Variants in KLHL14 observed in about 807,000 individuals in gnomAD.
KLHL14 encodes kelch-like protein 14.
Under a neutral mutation model 64.3 loss-of-function variants are expected in KLHL14, and 22 were observed. The ratio of observed to expected loss-of-function variants is 0.34; its 90% CI spans 0.24 to 0.49. The LOEUF (loss-of-function observed/expected upper bound fraction) is 0.49, where lower values mean the gene tolerates loss of function less well. KLHL14 is among the 20% of genes least tolerant of loss of function. KLHL14 has a pLI of 0.99. For missense variants in KLHL14, 661 were observed against 789.0 expected (o/e 0.84, Z 1.94); for synonymous variants, 322 against 333.4 (o/e 0.97, Z 0.37).
intron 3 of KLHL14, among the ~76,000 whole-genome samples, chr18:32,724,156 C>A (rs1042060289): frequency 6.6e-6 from 1 of 152,072 alleles, no homozygotes; most frequent in African/African-American, 2.4e-5. Flanking sequence ...GGTCAGAAGC[C>A]AAGGGTTTAA....
intron 3 of KLHL14, among the ~76,000 whole-genome samples, chr18:32,703,411 G>C (rs1436520434): frequency 6.6e-6 from 1 of 152,180 alleles, no homozygotes; most frequent in Non-Finnish European, 1.5e-5. Context: ...GAAAAAAGAA[G>C]AAAGGGTGAC....
chr18:32,736,884 T>G (rs1045879317), intron 3 of KLHL14, among the ~76,000 whole-genome samples: 2 of 152,110 alleles, frequency 1.3e-5, no homozygotes, highest in Admixed American at 1.3e-4. Context: ...CTCATTTTTG[T>G]GTTCCCATAG....
At chr18:32,766,146 T>A (rs893035652) in intron 2 of KLHL14, among the ~76,000 whole-genome samples, 1 of 152,102 alleles carries the variant, frequency 6.6e-6, no homozygotes, top group South Asian at 2.1e-4. Context: ...CAACTTTTAA[T>A]AAGCATTTAT....
At chr18:32,754,038 G>A (rs972496822) in intron 2 of KLHL14, among the ~76,000 whole-genome samples, 69 of 152,224 alleles carry the variant, frequency 4.5e-4, no homozygotes, top group African/African-American at 1.4e-3. Flanking sequence ...TAGCACAGAT[G>A]CTTGCTACTG....
At chr18:32,740,027 A>G (rs1017436526) in intron 3 of KLHL14, among the ~76,000 whole-genome samples, 7 of 152,230 alleles carry the variant, frequency 4.6e-5, no homozygotes, top group African/African-American at 1.7e-4. Flanking sequence ...GACTTTCACA[A>G]AATTAAGAAA....
rs1478872073 is a variant in KLHL14, at chr18:32,741,993, T to G, written c.1004A>C (p.Asp335Ala). 1.9e-6 allele frequency: 3 copies of G among 1,613,070 alleles called. No individual in the cohort carries two copies. The highest frequency in any genetic ancestry group is 1.6e-4 in the Middle Eastern group (1 of 6,080). The change falls in exon 3 of 9, where the codon GAC (aspartate) becomes GCC (alanine). Residue 335 changes from aspartate to alanine, a missense_variant. By Grantham distance (126) the Asp-to-Ala change is moderately radical. Coordinates refer to ENST00000359358, the MANE Select transcript of KLHL14 (RefSeq NM_020805.3). ...LLVGGLPPGP[D>A]RLPSNLVQYY... Reference sequence around the variant, plus strand: ...CTGAACCAAATTGCTGGGGAGCCGGTCCGGTCCAGGAGGCAGCCCTCCAAC... The same window carrying G: ...CTGAACCAAATTGCTGGGGAGCCGGGCCGGTCCAGGAGGCAGCCCTCCAAC...
intron 3 of KLHL14, among the ~76,000 whole-genome samples, chr18:32,718,662 T>G (rs1250254954): frequency 6.6e-6 from 1 of 152,232 alleles, no homozygotes; most frequent in African/African-American, 2.4e-5. Context: ...TGGTGTCATA[T>G]ATTGTAATTT....
intron 2 of KLHL14, among the ~76,000 whole-genome samples, chr18:32,767,205 A>G (rs1473159227): frequency 6.6e-6 from 1 of 152,208 alleles, no homozygotes; most frequent in African/African-American, 2.4e-5. Context: ...TTTTTATATT[A>G]CACTGATGCT....
At chr18:32,719,806 A>G (rs2050067281) in intron 3 of KLHL14, among the ~76,000 whole-genome samples, 1 of 152,210 alleles carries the variant, frequency 6.6e-6, no homozygotes, top group African/African-American at 2.4e-5. Context: ...CAGAGGAGAT[A>G]GCAAGCATTT....
intron 3 of KLHL14, among the ~76,000 whole-genome samples, chr18:32,729,135 G>A (rs540702831): frequency 5.7e-4 from 87 of 152,274 alleles, no homozygotes; most frequent in African/African-American, 2.0e-3. Flanking sequence ...TGAAATCTCA[G>A]TACCTAGAAT....
intron 2 of KLHL14, among the ~76,000 whole-genome samples, chr18:32,745,735 T>C (rs1189321362): frequency 2.0e-5 from 3 of 152,212 alleles, no homozygotes; most frequent in Non-Finnish European, 2.9e-5. Context: ...CTTTTTACAA[T>C]GTGCAATTAT....
Position 32,772,683 on chromosome 18 carries a change from G to C in KLHL14, c.-60C>G, listed in dbSNP as rs73955284. The C allele has an allele frequency of 2.6e-5, 4 of 151,864 alleles. No homozygotes were observed. The highest frequency in any genetic ancestry group is 7.3e-5 in the African/African-American group (3 of 41,136). 9.4% of individuals were successfully genotyped at this position (151,864 alleles called of 1,614,324 possible). A position where few individuals can be genotyped will look rare whatever the true frequency, so the allele number is the denominator to read the frequency against. ...GAAACTTACCTGTTCTCAACCAGCT[G>C]CAAAGTCAAGGCTCACTTAAGCTCC... is the stretch of plus-strand genomic sequence containing the variant. On this transcript the variant is annotated 5_prime_UTR_variant, in exon 1 of 9. Transcript: ENST00000359358.
intron 2 of KLHL14, among the ~76,000 whole-genome samples, chr18:32,755,781 A>C (rs1258868801): frequency 1.3e-5 from 2 of 152,192 alleles, no homozygotes; most frequent in African/African-American, 4.8e-5. Flanking sequence ...GGGAAGATAT[A>C]TTTTGTTAAA....
intron 2 of KLHL14, among the ~76,000 whole-genome samples, chr18:32,765,347 T>G (rs1027430329): frequency 5.9e-5 from 9 of 152,228 alleles, no homozygotes; most frequent in Non-Finnish European, 1.2e-4. Flanking sequence ...AAGCATGAAT[T>G]AAAACTGGAA....
intron 3 of KLHL14, among the ~76,000 whole-genome samples, chr18:32,734,751 G>A (rs1443399568): frequency 1.3e-5 from 2 of 152,150 alleles, no homozygotes; most frequent in South Asian, 2.1e-4. Flanking sequence ...AACCCTGTGA[G>A]GTGAGTACAA....
intron 5 of KLHL14, among the ~76,000 whole-genome samples, chr18:32,686,680 A>G (rs2049880719): frequency 6.6e-6 from 1 of 152,196 alleles, no homozygotes; most frequent in Non-Finnish European, 1.5e-5. Context: ...TTAAAGTTCA[A>G]TATTTCATAT....
At chr18:32,690,932 G>A (rs975125111) in intron 4 of KLHL14, among the ~76,000 whole-genome samples, 7 of 152,112 alleles carry the variant, frequency 4.6e-5, no homozygotes, top group Non-Finnish European at 8.8e-5. Context: ...ATAAGAGTAC[G>A]AGGGGGAAAG....
chr18:32,734,378 C>T (rs548263939), intron 3 of KLHL14: 2 of 633,322 alleles, frequency 3.2e-6, no homozygotes, highest in Middle Eastern at 5.4e-4. Context: ...CTGAATGACT[C>T]TGTGGAGCAG....
At chr18:32,704,791 A>G (rs1248976458) in intron 3 of KLHL14, among the ~76,000 whole-genome samples, 3 of 152,194 alleles carry the variant, frequency 2.0e-5, no homozygotes, top group Non-Finnish European at 4.4e-5. Context: ...CTGTGTACCT[A>G]TTGGTTATTA....
Sources: allele counts gnomAD v4.1 joint callset (sites outside exome capture counted in the v4.1 genomes callset), GRCh38; gene constraint gnomAD v4.1.1; transcripts MANE v1.5; gene names NCBI Gene and HGNC (gene_info 2026-07-23, HGNC 2026-07-21).